The following MICAL2 variants were observed in gnomAD, a reference collection of about 807,000 sequenced individuals.
MICAL2 encodes [F-actin]-monooxygenase MICAL2.
Under a neutral mutation model 127.3 loss-of-function variants are expected in MICAL2, and 77 were observed. The observed-to-expected ratio is 0.60, with a 90% CI of 0.50 to 0.73. MICAL2 has a LOEUF of 0.73. MICAL2 is among the 30% of genes least tolerant of loss of function. The pLI is 0.00. For synonymous variants in MICAL2, 570 were observed against 551.1 expected (o/e 1.03, Z -0.48); for missense variants, 1,351 against 1,434.4 (o/e 0.94, Z 0.94).
intron 1 of MICAL2, among the ~76,000 whole-genome samples, chr11:12,133,029 G>C (rs915566111): frequency 1.3e-5 from 2 of 152,066 alleles, no homozygotes; most frequent in Non-Finnish European, 2.9e-5. Context: ...AGCATATTTT[G>C]GTTCTTAGTT....
chr11:12,168,790 T>C lies in MICAL2; in HGVS notation c.264+6371T>C, dbSNP rs116254892. 2.7e-3 allele frequency among the ~76,000 whole-genome samples: 417 copies of C among 151,922 alleles called. 4 individuals carry two copies. Among genetic ancestry groups the C allele is most frequent in the African/African-American group, 9.6e-3 (397 of 41,462 alleles). The stretch of plus-strand genomic sequence containing the variant: ...AACACAGTGAGAAAACAATGTGTTT[T>C]CACTAGCTGAGGGTGGTGCACCCCA... On this transcript the variant is annotated intron_variant, in intron 3 of 27. Transcript: ENST00000683283.
At chr11:12,129,636 C>CTTCTTT (rs1554949317) in intron 1 of MICAL2, among the ~76,000 whole-genome samples, 38 of 97,436 alleles carry the variant, frequency 3.9e-4, no homozygotes, top group South Asian at 2.9e-3. Flanking sequence ...TCTTCTTCTT[C>CTTCTTT]TTTTTTTTTT....
chr11:12,285,400 C>T (rs1258947378), intron 2 of MICAL2, among the ~76,000 whole-genome samples: 1 of 152,160 alleles, frequency 6.6e-6, no homozygotes, highest in East Asian at 1.9e-4. Flanking sequence ...ATTTGTTAGT[C>T]CTGCAAAGGC....
intron 20 of MICAL2, among the ~76,000 whole-genome samples, chr11:12,243,618 C>T (rs1163458568): frequency 1.3e-5 from 2 of 152,228 alleles, no homozygotes; most frequent in African/African-American, 4.8e-5. Context: ...CTGTGGCCAC[C>T]TGCCCTAAAG....
intron 29 of MICAL2, among the ~76,000 whole-genome samples, chr11:12,313,448 A>G (rs1405350462): frequency 2.6e-5 from 4 of 152,148 alleles, no homozygotes; most frequent in Admixed American, 6.5e-5. Context: ...ACATGATTGT[A>G]TTGATTTCTA....
chr11:12,347,372 T>G (rs1454566729), intron 32 of MICAL2, among the ~76,000 whole-genome samples: 1 of 152,242 alleles, frequency 6.6e-6, no homozygotes, highest in East Asian at 1.9e-4. Context: ...ATATCCTTTT[T>G]GGTAGGCACA....
intron 33 of MICAL2, among the ~76,000 whole-genome samples, chr11:12,353,564 G>C (rs919219394): frequency 2.0e-5 from 3 of 152,182 alleles, no homozygotes; most frequent in African/African-American, 7.2e-5. Flanking sequence ...GAGAACTCCA[G>C]AGTGGCATTT....
At position 12,151,933 on chromosome 11, in the gene MICAL2, T is replaced by C. The variant is rs564864103; in HGVS notation, c.-77-10146T>C. 6.2e-4 allele frequency among the ~76,000 whole-genome samples: 95 copies of C among 152,232 alleles called. 1 individual carries two copies. The South Asian group carries it at 0.02, about 32-fold the overall frequency. Reference sequence around the variant, plus strand: ...ACTGGTGGATTGGATGCTGTTCTCATTTGATCTATAGATCCTAGCATTTTG... The same window carrying C: ...ACTGGTGGATTGGATGCTGTTCTCACTTGATCTATAGATCCTAGCATTTTG... On this transcript the variant is annotated intron_variant, in intron 2 of 27. Transcript: ENST00000683283.
intron 3 of MICAL2, among the ~76,000 whole-genome samples, chr11:12,177,814 G>T (rs1219417614): frequency 6.6e-6 from 1 of 152,152 alleles, no homozygotes; most frequent in Non-Finnish European, 1.5e-5. Flanking sequence ...TGCTTTCTCA[G>T]GAAATCTCAG....
intron 24 of MICAL2, among the ~76,000 whole-genome samples, chr11:12,257,892 C>T (rs1000939036): frequency 1.3e-5 from 2 of 152,152 alleles, no homozygotes; most frequent in Non-Finnish European, 2.9e-5. Flanking sequence ...AGTGCGTGCC[C>T]CGTCTGGGTC....
At chr11:12,350,483 G>GA (rs1191027659) in intron 33 of MICAL2, among the ~76,000 whole-genome samples, 5 of 152,254 alleles carry the variant, frequency 3.3e-5, no homozygotes, top group African/African-American at 4.8e-5. Context: ...ATTCTAGAGG[G>GA]AAAAAAGTAA....
chr11:12,114,625 C>T (rs1052956482), intron 1 of MICAL2, among the ~76,000 whole-genome samples: 1 of 152,132 alleles, frequency 6.6e-6, no homozygotes, highest in African/African-American at 2.4e-5. Context: ...CGCAGAGGCT[C>T]CATAAGCATT....
intron 33 of MICAL2, among the ~76,000 whole-genome samples, chr11:12,353,414 T>C (rs1939084028): frequency 2.0e-5 from 3 of 152,250 alleles, no homozygotes; most frequent in African/African-American, 7.2e-5. Flanking sequence ...CTACCTTTTT[T>C]GTTTGGCTTC....
At chr11:12,311,601 C>T (rs369783918) in intron 29 of MICAL2, among the ~76,000 whole-genome samples, 2 of 152,134 alleles carry the variant, frequency 1.3e-5, no homozygotes, top group East Asian at 1.9e-4. Context: ...AGCGTTTCAC[C>T]GTGTTAGCCA....
intron 2 of MICAL2, among the ~76,000 whole-genome samples, chr11:12,147,010 TG>T (rs1335896208): frequency 6.6e-6 from 1 of 151,152 alleles, no homozygotes; most frequent in Non-Finnish European, 1.5e-5. Flanking sequence ...AGTTGAACAA[TG>T]AGAACACTTG....
chr11:12,190,601 G>A (rs1419718583), intron 3 of MICAL2, among the ~76,000 whole-genome samples: 1 of 152,188 alleles, frequency 6.6e-6, no homozygotes, highest in African/African-American at 2.4e-5. Flanking sequence ...GCATATGTTA[G>A]GTGACAATAT....
At chr11:12,202,554 T>A (rs1590326989) in intron 3 of MICAL2, among the ~76,000 whole-genome samples, 1 of 152,230 alleles carries the variant, frequency 6.6e-6, no homozygotes, top group African/African-American at 2.4e-5. Flanking sequence ...AATAATAATT[T>A]TAAAGACTCT....
chr11:12,183,166 C>CT (rs11409042), intron 3 of MICAL2, among the ~76,000 whole-genome samples: 42,025 of 146,660 alleles, frequency 0.29, 6,212 homozygotes, highest in Admixed American at 0.37. Context: ...ATCCTGACTC[C>CT]TTTTTTTTTT....
intron 3 of MICAL2, among the ~76,000 whole-genome samples, chr11:12,187,046 T>C (rs1347842457): frequency 6.6e-6 from 1 of 152,222 alleles, no homozygotes; most frequent in Non-Finnish European, 1.5e-5. Flanking sequence ...AGCAGCGGTG[T>C]GCTTTCTGCC....
Sources: allele counts gnomAD v4.1 joint callset (sites outside exome capture counted in the v4.1 genomes callset), GRCh38; gene constraint gnomAD v4.1.1; transcripts MANE v1.5; gene names NCBI Gene and HGNC (gene_info 2026-07-23, HGNC 2026-07-21).